The following RTF2 variants were observed in gnomAD, a reference collection of about 807,000 sequenced individuals.
RTF2 encodes replication termination factor 2, also known as UPF0549 protein C20orf43.
Under a neutral mutation model 38.0 loss-of-function variants are expected in RTF2, and 18 were observed. That is an observed-to-expected ratio of 0.47 (90% CI 0.33 to 0.70). The LOEUF is 0.70. RTF2 is among the 30% of genes least tolerant of loss of function. RTF2 has a pLI of 0.02. For synonymous variants in RTF2, 126 were observed against 137.1 expected, an observed-to-expected ratio of 0.92 and a Z score of 0.57; for missense variants, 311 against 379.6, an observed-to-expected ratio of 0.82 and a Z score of 1.50.
chr20:56,484,501 C>T (rs909407658), intron 5 of RTF2, among the ~76,000 whole-genome samples: 2 of 152,188 alleles, frequency 1.3e-5, no homozygotes, highest in African/African-American at 2.4e-5. Context: ...TTACTTCTTC[C>T]GTGACTCCCT....
intron 8 of RTF2, among the ~76,000 whole-genome samples, chr20:56,517,431 A>G (rs995715069): frequency 2.0e-5 from 3 of 152,166 alleles, no homozygotes; most frequent in African/African-American, 7.2e-5. Flanking sequence ...CTGGTTGTTT[A>G]GATTCCTGTC....
intron 5 of RTF2, among the ~76,000 whole-genome samples, chr20:56,508,696 T>C (rs1472848509): frequency 6.6e-6 from 1 of 152,186 alleles, no homozygotes; most frequent in Admixed American, 6.5e-5. Flanking sequence ...TGGAATAAAA[T>C]AGGGAGTCCG....
At chr20:56,486,374 C>T (rs2146329899) in intron 5 of RTF2, among the ~76,000 whole-genome samples, 1 of 152,262 alleles carries the variant, frequency 6.6e-6, no homozygotes, top group East Asian at 1.9e-4. Context: ...TTAGGTTGGG[C>T]ACAGTGGCTC....
chr20:56,513,522 G>A, intron 6 of RTF2, 94 bp downstream of exon 6: 1 of 1,486,698 alleles, frequency 6.7e-7, no homozygotes, highest in African/African-American at 1.4e-5. Context: ...TTAGGGGTTT[G>A]CATGATCAAG....
intron 5 of RTF2, among the ~76,000 whole-genome samples, chr20:56,493,791 AGAAGG>A (rs1238272508): frequency 1.3e-5 from 2 of 152,222 alleles, no homozygotes; most frequent in Non-Finnish European, 2.9e-5. Flanking sequence ...AAGTTGAACT[AGAAGG>A]GAATACAAAT....
At chr20:56,516,864 TG>T (rs1271336612) in intron 6 of RTF2, 70 bp from the exon 7 acceptor site, 1 of 1,429,572 alleles carries the variant, frequency 7.0e-7, no homozygotes, top group African/African-American at 1.4e-5. Context: ...CCCGGGACAA[TG>T]GGCAGCCACA....
rs1253415552 is a variant in RTF2 at position 56,473,408 on chromosome 20, C to T, written c.164+13C>T. The T allele has an allele frequency of 6.4e-7, 1 of 1,562,722 alleles. No homozygotes were observed. The highest frequency in any genetic ancestry group is 1.7e-5 in the Admixed American group (1 of 58,514). On this transcript the variant is annotated intron_variant, in intron 2 of 8. Transcript: ENST00000357348. ...GTGAACTTGGCAGGTATGGTTTTTA[C>T]ACTTAATCAAGATGAGTTTGTTAAG... is the stretch of plus-strand genomic sequence containing the variant.
intron 4 of RTF2, among the ~76,000 whole-genome samples, chr20:56,481,620 T>TAC (rs765825338): frequency 2.9e-4 from 44 of 150,852 alleles, no homozygotes; most frequent in African/African-American, 1.1e-3. Flanking sequence ...CATATATATA[T>TAC]ACACACACAT....
chr20:56,499,956 G>T (rs1983821647), intron 5 of RTF2, among the ~76,000 whole-genome samples: 1 of 151,794 alleles, frequency 6.6e-6, no homozygotes, highest in African/African-American at 2.4e-5. Flanking sequence ...GGCTGGTCTT[G>T]AACTCCTGAC....
intron 1 of RTF2, chr20:56,472,522 T>C (rs1401284374): frequency 1.2e-5 from 7 of 598,368 alleles, no homozygotes; most frequent in African/African-American, 1.9e-5. Context: ...AAAACACTTA[T>C]TTCTGTTAAA....
intron 5 of RTF2, chr20:56,495,344 G>T (rs1983450652): frequency 7.3e-7 from 1 of 1,367,372 alleles, no homozygotes; most frequent in Non-Finnish European, 1.0e-6. Context: ...CTGCTTCCCA[G>T]TTCTTTTAGT....
chr20:56,490,090 T>G (rs1030981777), intron 5 of RTF2, among the ~76,000 whole-genome samples: 1 of 152,366 alleles, frequency 6.6e-6, no homozygotes, highest in African/African-American at 2.4e-5. Context: ...TCCTTGATGT[T>G]TGATTTGTGG....
At chr20:56,502,173 A>G (rs1050607367) in intron 5 of RTF2, among the ~76,000 whole-genome samples, 2 of 152,342 alleles carry the variant, frequency 1.3e-5, no homozygotes, top group Non-Finnish European at 2.9e-5. Flanking sequence ...CTTATGGTCA[A>G]GGATGGTGGT....
intron 4 of RTF2, among the ~76,000 whole-genome samples, chr20:56,482,401 A>G (rs182929358): frequency 1.3e-5 from 2 of 152,368 alleles, no homozygotes; most frequent in East Asian, 3.9e-4. Context: ...ATGACAAAAA[A>G]GTCTGTGCAT....
intron 5 of RTF2, among the ~76,000 whole-genome samples, chr20:56,502,827 T>C (rs935127343): frequency 6.6e-6 from 1 of 152,226 alleles, no homozygotes; most frequent in African/African-American, 2.4e-5. Flanking sequence ...AACCTCATAT[T>C]TAGCTTCAGG....
chr20:56,497,604 C>G, intron 5 of RTF2: 1 of 1,309,486 alleles, frequency 7.6e-7, no homozygotes, highest in Non-Finnish European at 1.0e-6. Context: ...TCGAAGCTGG[C>G]TCATATCTTG....
At chr20:56,482,479 G>A (rs1982574662) in intron 4 of RTF2, among the ~76,000 whole-genome samples, 2 of 152,232 alleles carry the variant, frequency 1.3e-5, no homozygotes, top group African/African-American at 4.8e-5. Flanking sequence ...ATTGATAGAT[G>A]CGGAACGCAT....
intron 1 of RTF2, chr20:56,470,822 G>T (rs1353676812): frequency 5.4e-6 from 2 of 371,224 alleles, no homozygotes; most frequent in Non-Finnish European, 1.1e-5. Flanking sequence ...ACATCCACAT[G>T]CCAGGAGAGT....
intron 5 of RTF2, among the ~76,000 whole-genome samples, chr20:56,490,659 A>G (rs1983064828): frequency 6.6e-6 from 1 of 152,202 alleles, no homozygotes; most frequent in Admixed American, 6.5e-5. Context: ...TAGTAAAAAT[A>G]CAAAAAAATT....
Sources: allele counts gnomAD v4.1 joint callset (sites outside exome capture counted in the v4.1 genomes callset), GRCh38; gene constraint gnomAD v4.1.1; transcripts MANE v1.5; gene names NCBI Gene and HGNC (gene_info 2026-07-23, HGNC 2026-07-21).